Variants in PDE4B observed in about 807,000 individuals in gnomAD.
PDE4B encodes the protein 3',5'-cyclic-AMP phosphodiesterase 4B.
In PDE4B, 20 loss-of-function variants were observed where a neutral mutation model predicts 82.2. That is an observed-to-expected ratio of 0.24 (90% CI 0.17 to 0.35). PDE4B has a LOEUF of 0.35. PDE4B is among the 10% of genes least tolerant of loss of function. The probability of loss-of-function intolerance (pLI) is 1.00; values close to 1 mark genes in which losing one functional copy is unlikely to be tolerated. For missense variants in PDE4B, 655 were observed against 907.2 expected, an observed-to-expected ratio of 0.72 and a Z score of 3.57; for synonymous variants, 320 against 318.9, an observed-to-expected ratio of 1.00 and a Z score of -0.04.
At chr1:65,822,159 G>A (rs1264416317) in intron 1 of PDE4B, among the ~76,000 whole-genome samples, 1 of 152,086 alleles carries the variant, frequency 6.6e-6, no homozygotes, top group Non-Finnish European at 1.5e-5. Context: ...TGTAATCTAT[G>A]ACCTGCCTTT....
At position 66,056,291 on chromosome 1, in the gene PDE4B, C is replaced by T. The variant is rs928374504; in HGVS notation, c.281+137456C>T. ...TATGGGGGTTGGAGGGAGAGAAAGG[C>T]AACGAGAGAGAGATGTGTGTAAAAT... On this transcript the variant is annotated intron_variant, in intron 3 of 16. Transcript: ENST00000341517. 1.6e-4 allele frequency among the ~76,000 whole-genome samples: 24 copies of T among 152,052 alleles called. 1 individual carries two copies. Among genetic ancestry groups the T allele is most frequent in the South Asian group, 2.1e-4 (1 of 4,828 alleles).
chr1:65,820,316 A>G (rs1193977098), intron 1 of PDE4B, among the ~76,000 whole-genome samples: 1 of 152,260 alleles, frequency 6.6e-6, no homozygotes, highest in East Asian at 1.9e-4. Flanking sequence ...ATTGAATGAC[A>G]AATCAATCTG....
chr1:66,154,432 G>T (rs552086613), intron 3 of PDE4B, among the ~76,000 whole-genome samples: 1 of 152,260 alleles, frequency 6.6e-6, no homozygotes, highest in East Asian at 1.9e-4. Context: ...AAAGAGAATT[G>T]AAGGGCAAAG....
intron 16 of PDE4B, among the ~76,000 whole-genome samples, chr1:66,370,150 CAAAAA>C (rs752920376): frequency 3.5e-5 from 1 of 28,622 alleles, no homozygotes; most frequent in Non-Finnish European, 8.3e-5. Flanking sequence ...GACTCTATCT[CAAAAA>C]AAAAAAAAAA....
intron 3 of PDE4B, among the ~76,000 whole-genome samples, chr1:65,961,790 A>G (rs759009482): frequency 4.6e-5 from 7 of 152,158 alleles, no homozygotes; most frequent in Non-Finnish European, 1.0e-4. Context: ...ATGTTATGCC[A>G]TAGAGGATCA....
At chr1:66,102,548 T>C (rs551274081) in intron 3 of PDE4B, among the ~76,000 whole-genome samples, 2 of 152,236 alleles carry the variant, frequency 1.3e-5, no homozygotes, top group Admixed American at 6.5e-5. Context: ...TTTGGACTTA[T>C]GAGAAAAATC....
intron 3 of PDE4B, among the ~76,000 whole-genome samples, chr1:65,928,650 CTATTTTGCAAG>C (rs968655648): frequency 6.6e-6 from 1 of 152,158 alleles, no homozygotes; most frequent in African/African-American, 2.4e-5. Flanking sequence ...CCTCGCAAAT[CTATTTTGCAAG>C]GCATTGGTCA....
chr1:65,946,963 C>T (rs1648744912), intron 3 of PDE4B, among the ~76,000 whole-genome samples: 1 of 152,046 alleles, frequency 6.6e-6, no homozygotes, highest in Admixed American at 6.6e-5. Flanking sequence ...CCAGGATGCT[C>T]AGAACACTCG....
chr1:66,009,014 A>G (rs185859785), intron 3 of PDE4B, among the ~76,000 whole-genome samples: 1 of 152,232 alleles, frequency 6.6e-6, no homozygotes, highest in Admixed American at 6.5e-5. Context: ...TCTGAACTCT[A>G]GATCTATGTC....
chr1:65,984,598 T>C (rs1411533981), intron 3 of PDE4B, among the ~76,000 whole-genome samples: 6 of 152,056 alleles, frequency 3.9e-5, no homozygotes, highest in Admixed American at 3.9e-4. Context: ...CTAATAAAAA[T>C]AGAAAAATTA....
intron 7 of PDE4B, chr1:66,332,241 C>A: frequency 6.9e-7 from 1 of 1,451,792 alleles, no homozygotes. Flanking sequence ...CCGCCTTCTT[C>A]CTCAGAGGAA....
At chr1:65,855,540 A>C (rs1646382568) in intron 1 of PDE4B, among the ~76,000 whole-genome samples, 1 of 152,132 alleles carries the variant, frequency 6.6e-6, no homozygotes, top group Admixed American at 6.6e-5. Flanking sequence ...CAGAACTCAA[A>C]TGTTTCCCAT....
Position 65,913,325 on chromosome 1 carries a change from G to A in PDE4B, c.11G>A (p.Ser4Asn). Reference sequence around the variant, plus strand: ...TTTTCCACCTCTATAATGAAGAAAAGCAGGAGTGTGATGACGGTGATGGCT... The same window carrying A: ...TTTTCCACCTCTATAATGAAGAAAAACAGGAGTGTGATGACGGTGATGGCT... MKK[S>N]RSVMTVMADD... Residue 4 changes from serine (S) to asparagine (N), a missense_variant, in exon 2 of 17, where the codon AGC (serine) becomes AAC (asparagine). Around this residue, in one of 3 missense-constraint regions of PDE4B, gnomAD observed 253 missense variants for 275.6 expected, o/e 0.92. Coordinates refer to ENST00000341517, the MANE Select transcript of PDE4B (RefSeq NM_002600.4). The A allele has an allele frequency of 6.8e-6, 11 of 1,613,612 alleles. No individual in the cohort carries two copies. The highest frequency in any genetic ancestry group is 9.3e-6 in the Non-Finnish European group (11 of 1,179,620).
At chr1:66,348,497 G>A (rs770106716) in intron 8 of PDE4B, among the ~76,000 whole-genome samples, 5 of 151,940 alleles carry the variant, frequency 3.3e-5, no homozygotes, top group African/African-American at 7.2e-5. Flanking sequence ...TAGGTCTTAC[G>A]TTTCTCATTG....
intron 7 of PDE4B, chr1:66,332,120 A>C: frequency 8.0e-7 from 1 of 1,257,526 alleles, no homozygotes; most frequent in Non-Finnish European, 1.0e-6. Context: ...CACATACCCT[A>C]AAGAACCCTG....
At chr1:66,023,543 G>C (rs1486432333) in intron 3 of PDE4B, among the ~76,000 whole-genome samples, 2 of 152,290 alleles carry the variant, frequency 1.3e-5, no homozygotes, top group African/African-American at 2.4e-5. Flanking sequence ...CAAGTGAAAA[G>C]CTCCATGCAA....
At chr1:66,245,473 G>T (rs1403525963) in intron 3 of PDE4B, among the ~76,000 whole-genome samples, 2 of 152,186 alleles carry the variant, frequency 1.3e-5, no homozygotes. Context: ...ACACAAAAAA[G>T]CCCTTATCCA....
chr1:66,185,908 C>A (rs1233838607), intron 3 of PDE4B, among the ~76,000 whole-genome samples: 6 of 152,150 alleles, frequency 3.9e-5, no homozygotes, highest in Non-Finnish European at 8.8e-5. Context: ...GAAGTCCTTG[C>A]CCATGCCTAT....
At chr1:66,045,823 C>T in intron 3 of PDE4B, among the ~76,000 whole-genome samples, 1 of 151,648 alleles carries the variant, frequency 6.6e-6, no homozygotes, top group Non-Finnish European at 1.5e-5. Flanking sequence ...AGGCAGTGGG[C>T]TGAGAGATGT....
Sources: gnomAD v4.1 joint callset for allele counts (sites outside exome capture counted in the v4.1 genomes callset) on GRCh38, gnomAD v4.1.1 for gene constraint, gnomAD v4.1.1 regional missense constraint, MANE v1.5 for transcripts, NCBI Gene and HGNC (gene_info 2026-07-23, HGNC 2026-07-21) for gene names.